The following USH2A variants were observed in gnomAD, a reference collection of about 807,000 sequenced individuals.
USH2A encodes usherin, also known as Usher syndrome 2A (autosomal recessive, mild).
Under a neutral mutation model 538.9 loss-of-function variants are expected in USH2A, and 443 were observed. The observed-to-expected ratio is 0.82, with a 90% CI of 0.76 to 0.89. USH2A has a LOEUF of 0.89. USH2A is among the 40% of genes least tolerant of loss of function. The pLI is 0.00. For missense variants in USH2A, 6,633 were observed against 6,324.8 expected, an observed-to-expected ratio of 1.05 and a Z score of -1.65; for synonymous variants, 2,413 against 2,273.5, an observed-to-expected ratio of 1.06 and a Z score of -1.75.
chr1:215,753,190 G>A (rs2102736456), intron 58 of USH2A, among the ~76,000 whole-genome samples: 1 of 152,116 alleles, frequency 6.6e-6, no homozygotes, highest in Non-Finnish European at 1.5e-5. Context: ...TGGAGAAATA[G>A]GAACACTTTT....
At chr1:215,741,322 G>A in intron 60 of USH2A, 53 bp downstream of exon 60, 1 of 1,571,418 alleles carries the variant, frequency 6.4e-7, no homozygotes, top group Non-Finnish European at 8.8e-7. Flanking sequence ...CTGCTGTGTT[G>A]GAGCAGTACG....
At chr1:216,312,584 A>T (rs2037441704) in intron 9 of USH2A, among the ~76,000 whole-genome samples, 1 of 152,182 alleles carries the variant, frequency 6.6e-6, no homozygotes, top group African/African-American at 2.4e-5. Flanking sequence ...GATCCAATTA[A>T]AGGCATTCTT....
intron 30 of USH2A, among the ~76,000 whole-genome samples, chr1:216,069,790 A>G (rs2031496861): frequency 6.6e-6 from 1 of 152,208 alleles, no homozygotes; most frequent in Admixed American, 6.5e-5. Context: ...GTATTTATAC[A>G]TAGGATTTCC....
intron 43 of USH2A, among the ~76,000 whole-genome samples, chr1:215,872,425 C>T (rs1664647322): frequency 6.6e-6 from 1 of 151,768 alleles, no homozygotes; most frequent in Non-Finnish European, 1.5e-5. Context: ...AAACTTGAAG[C>T]TGTTATGTTT....
chr1:216,332,318 A>G (rs942693581), intron 4 of USH2A, among the ~76,000 whole-genome samples: 1 of 152,164 alleles, frequency 6.6e-6, no homozygotes, highest in Non-Finnish European at 1.5e-5. Context: ...ATCACTGGCA[A>G]CTGCTTAACA....
chr1:216,021,784 T>C (rs1200226214), intron 32 of USH2A, among the ~76,000 whole-genome samples: 1 of 152,162 alleles, frequency 6.6e-6, no homozygotes, highest in Non-Finnish European at 1.5e-5. Flanking sequence ...TAAGATATAT[T>C]TAGATCTGCC....
At chr1:216,391,513 T>A (rs1209344894) in intron 3 of USH2A, among the ~76,000 whole-genome samples, 2 of 152,206 alleles carry the variant, frequency 1.3e-5, no homozygotes, top group Non-Finnish European at 2.9e-5. Flanking sequence ...TGGATTAGTA[T>A]AAGAGTTTCT....
At chr1:216,299,943 T>C (rs1254441393) in intron 9 of USH2A, among the ~76,000 whole-genome samples, 2 of 152,170 alleles carry the variant, frequency 1.3e-5, no homozygotes, top group Non-Finnish European at 2.9e-5. Flanking sequence ...CCTATTTGGG[T>C]CTTTGATCCT....
chr1:216,176,248 G>A (rs1204251759), intron 20 of USH2A, among the ~76,000 whole-genome samples: 1 of 151,664 alleles, frequency 6.6e-6, no homozygotes, highest in Non-Finnish European at 1.5e-5. Context: ...TTTTAGAGAT[G>A]GAGTCTCACA....
intron 38 of USH2A, among the ~76,000 whole-genome samples, chr1:215,925,729 T>C (rs2102492237): frequency 6.6e-6 from 1 of 152,312 alleles, no homozygotes; most frequent in Non-Finnish European, 1.5e-5. Context: ...CATCCCTTTG[T>C]ACTCTTTCAA....
chr1:215,670,164 C>T (rs1347692201), intron 64 of USH2A, among the ~76,000 whole-genome samples: 1 of 152,192 alleles, frequency 6.6e-6, no homozygotes, highest in Admixed American at 6.5e-5. Flanking sequence ...CACGACTTCT[C>T]ACCTCCACCT....
intron 21 of USH2A, among the ~76,000 whole-genome samples, chr1:216,138,503 C>T (rs2033531363): frequency 6.6e-6 from 1 of 152,122 alleles, no homozygotes; most frequent in African/African-American, 2.4e-5. Flanking sequence ...TCCCTGAGGC[C>T]ACAGGAGAAG....
intron 11 of USH2A, among the ~76,000 whole-genome samples, chr1:216,257,016 C>A (rs1417824107): frequency 6.6e-6 from 1 of 151,800 alleles, no homozygotes; most frequent in Non-Finnish European, 1.5e-5. Flanking sequence ...TGTTATAAAA[C>A]TTTTACTATA....
chr1:215,902,560 A>T (rs1449744141), intron 38 of USH2A, among the ~76,000 whole-genome samples: 1 of 152,162 alleles, frequency 6.6e-6, no homozygotes, highest in Non-Finnish European at 1.5e-5. Flanking sequence ...CTGTGTATAC[A>T]ATAATACCAG....
At chr1:215,922,329 T>C (rs1001801123) in intron 38 of USH2A, among the ~76,000 whole-genome samples, 2 of 152,110 alleles carry the variant, frequency 1.3e-5, no homozygotes, top group African/African-American at 4.8e-5. Flanking sequence ...CAGGTAGAAC[T>C]CAACATCTGG....
At chr1:215,837,035 T>C (rs79789651) in intron 47 of USH2A, among the ~76,000 whole-genome samples, 5,201 of 152,116 alleles carry the variant, frequency 0.034, 97 homozygotes, top group African/African-American at 0.05. Flanking sequence ...GTATCTATCA[T>C]GTGTTTGATA....
intron 35 of USH2A, among the ~76,000 whole-genome samples, chr1:215,991,310 T>G (rs189927552): frequency 1.3e-5 from 2 of 152,226 alleles, no homozygotes; most frequent in Admixed American, 6.5e-5. Context: ...ACTAAAAAAT[T>G]TAGACTTTAT....
At position 216,016,943 on chromosome 1, in the gene USH2A, C is replaced by T. The variant is rs768213909; in HGVS notation, c.6326-16381G>A. ...AGTGAAGGATGATGCTTCTTCATTT[C>T]CCTCTTTTCTTCTGTGGCTGGTTAG... On this transcript the variant is annotated intron_variant, in intron 32 of 71. Coordinates refer to ENST00000307340, the MANE Select transcript of USH2A (RefSeq NM_206933.4). 5.9e-5 allele frequency among the ~76,000 whole-genome samples: 9 copies of T among 152,078 alleles called. No individual in the cohort carries two copies. The South Asian group carries it at 1.9e-3, about 32-fold the overall frequency.
At chr1:215,899,124 A>C (rs1339689554) in intron 40 of USH2A, among the ~76,000 whole-genome samples, 1 of 152,226 alleles carries the variant, frequency 6.6e-6, no homozygotes, top group Non-Finnish European at 1.5e-5. Context: ...AAAATAATGC[A>C]ATTAAAGGTA....
Sources: allele counts gnomAD v4.1 joint callset (sites outside exome capture counted in the v4.1 genomes callset), GRCh38; gene constraint gnomAD v4.1.1; transcripts MANE v1.5; gene names NCBI Gene and HGNC (gene_info 2026-07-23, HGNC 2026-07-21).